CHST11: variants seen among roughly 807,000 people sequenced by gnomAD.
CHST11 encodes carbohydrate sulfotransferase 11.
In CHST11, 9 loss-of-function variants were observed where a neutral mutation model predicts 30.4. The ratio of observed to expected loss-of-function variants is 0.30; its 90% CI spans 0.18 to 0.52. CHST11 has a LOEUF of 0.52. Among genes scored for constraint, CHST11 ranks in the 20% least tolerant of loss-of-function variants. CHST11 has a pLI of 0.97. For synonymous variants in CHST11, 152 were observed against 187.8 expected (o/e 0.81, Z 1.56); for missense variants, 348 against 460.6 (o/e 0.76, Z 2.24).
At chr12:104,546,759 A>G (rs1454656969) in intron 1 of CHST11, among the ~76,000 whole-genome samples, 1 of 152,088 alleles carries the variant, frequency 6.6e-6, no homozygotes, top group East Asian at 1.9e-4. Context: ...ACTGGACAAA[A>G]CCAAAACAAA....
chr12:104,747,357 T>G (rs912445854), intron 2 of CHST11, among the ~76,000 whole-genome samples: 3 of 152,232 alleles, frequency 2.0e-5, no homozygotes, highest in African/African-American at 7.2e-5. Context: ...CCTGTTTCCT[T>G]ATCCACAAGT....
chr12:104,517,430 G>A (rs776324793), intron 1 of CHST11, among the ~76,000 whole-genome samples: 22 of 152,170 alleles, frequency 1.4e-4, no homozygotes, highest in Non-Finnish European at 2.4e-4. Context: ...GAGAACCAGG[G>A]GGTGGTGTAG....
chr12:104,708,656 C>T (rs1156732718), intron 2 of CHST11, among the ~76,000 whole-genome samples: 1 of 152,184 alleles, frequency 6.6e-6, no homozygotes, highest in African/African-American at 2.4e-5. Flanking sequence ...CTCACCATCT[C>T]TGGGGTCACA....
chr12:104,508,433 C>A lies in CHST11; in HGVS notation c.118+50904C>A, dbSNP rs1367293506. ...AGCACGTATCAGTGACTACAAAAAA[C>A]AAAAAGGAAATGCTCAATAGATGTT... On this transcript the variant is annotated intron_variant, in intron 1 of 2. Transcript: ENST00000303694. Among the ~76,000 whole-genome samples the A allele has an allele frequency of 2.0e-5, 3 of 152,150 alleles. No individual in the cohort carries two copies. The East Asian group carries it at 5.8e-4, about 29-fold the overall frequency.
intron 2 of CHST11, among the ~76,000 whole-genome samples, chr12:104,628,390 C>T (rs1344526060): frequency 1.3e-5 from 2 of 152,166 alleles, no homozygotes; most frequent in Non-Finnish European, 2.9e-5. Context: ...AGAAAAAGGG[C>T]AAAAGATTTC....
intron 2 of CHST11, among the ~76,000 whole-genome samples, chr12:104,628,162 A>G (rs1269187194): frequency 6.6e-6 from 1 of 152,130 alleles, no homozygotes. Context: ...GGAGTGATGT[A>G]TCTCAGGGCC....
chr12:104,603,560 C>T (rs990915531), intron 2 of CHST11, among the ~76,000 whole-genome samples: 2 of 152,222 alleles, frequency 1.3e-5, no homozygotes, highest in Admixed American at 6.5e-5. Context: ...TCATCTCTAA[C>T]TAGTTGTGCA....
intron 1 of CHST11, among the ~76,000 whole-genome samples, chr12:104,508,778 T>C (rs1025151028): frequency 1.3e-4 from 20 of 152,186 alleles, no homozygotes; most frequent in African/African-American, 4.8e-4. Flanking sequence ...TTATGTGGTG[T>C]GACAGTCTTT....
Position 104,457,317 on chromosome 12 carries a change from C to A in CHST11, c.-95C>A. 2 of 809,232 alleles carry A rather than the reference C, an allele frequency of 2.5e-6. No homozygotes were observed. Among genetic ancestry groups the A allele is most frequent in the Non-Finnish European group, 4.1e-6 (2 of 488,608 alleles). The allele number at this position is 809,232 out of a possible 1,614,324, so 50.1% of individuals were successfully genotyped here. ...CTGAGCCTTGCTCAGCTCTGCCCCGCGCCTCCCGGGCTCCGGTCCGCGCGG... is the reference window on the plus strand; with the variant it reads ...CTGAGCCTTGCTCAGCTCTGCCCCGAGCCTCCCGGGCTCCGGTCCGCGCGG... On this transcript the variant is annotated 5_prime_UTR_variant, in exon 1 of 3. Transcript: ENST00000303694.
At position 104,758,369 on chromosome 12, in the gene CHST11, A is replaced by G. The variant is rs1387120973; in HGVS notation, c.*566A>G. 2.0e-5 allele frequency: 3 copies of G among 152,192 alleles called. No homozygotes were observed. The highest frequency in any genetic ancestry group is 4.4e-5 in the Non-Finnish European group (3 of 68,046). The allele number at this position is 152,192 out of a possible 1,614,324, so 9.4% of individuals were successfully genotyped here. ...AGGGACTCATTCCAAACCAATTCCA[A>G]TCGACCTGAAAGTCCCTTGCACTAA... On this transcript the variant is annotated 3_prime_UTR_variant, in exon 3 of 3. Coordinates refer to ENST00000303694, the MANE Select transcript of CHST11 (RefSeq NM_018413.6).
At chr12:104,713,008 A>T (rs903663931) in intron 2 of CHST11, among the ~76,000 whole-genome samples, 2 of 152,112 alleles carry the variant, frequency 1.3e-5, no homozygotes, top group Non-Finnish European at 2.9e-5. Context: ...TAAATAAGAA[A>T]ATGCACTCAT....
intron 2 of CHST11, among the ~76,000 whole-genome samples, chr12:104,740,408 C>T (rs1301603640): frequency 6.6e-6 from 1 of 152,224 alleles, no homozygotes; most frequent in African/African-American, 2.4e-5. Context: ...GCCCTGGAAT[C>T]CATCCCTGCA....
At chr12:104,706,294 G>A (rs908086798) in intron 2 of CHST11, among the ~76,000 whole-genome samples, 9 of 151,950 alleles carry the variant, frequency 5.9e-5, no homozygotes, top group African/African-American at 2.2e-4. Flanking sequence ...TGAGGTAGGA[G>A]GATTACTTGA....
Position 104,570,050 on chromosome 12 carries a change from G to T in CHST11, c.119-31856G>T, listed in dbSNP as rs531006962. Among the ~76,000 whole-genome samples the T allele has an allele frequency of 2.0e-5, 3 of 152,188 alleles. No individual in the cohort carries two copies. The East Asian group carries it at 5.8e-4, about 29-fold the overall frequency. On this transcript the variant is annotated intron_variant, in intron 1 of 2. Coordinates refer to ENST00000303694, the MANE Select transcript of CHST11 (RefSeq NM_018413.6). ...CAACCTACAAAACCAACATATCCTG[G>T]GGTTTGATCTCTCTGGTGGTGTCAG...
At chr12:104,488,568 T>C (rs962018700) in intron 1 of CHST11, among the ~76,000 whole-genome samples, 3 of 133,522 alleles carry the variant, frequency 2.2e-5, no homozygotes, top group African/African-American at 5.0e-5. Flanking sequence ...TGTGTATGCG[T>C]GTGTATGTGT....
At chr12:104,479,795 A>T (rs1294838896) in intron 1 of CHST11, among the ~76,000 whole-genome samples, 2 of 152,184 alleles carry the variant, frequency 1.3e-5, no homozygotes, top group African/African-American at 4.8e-5. Context: ...ATGTGTTCCT[A>T]TGGCTTGAAG....
chr12:104,648,412 G>C (rs2694413), intron 2 of CHST11, among the ~76,000 whole-genome samples: 25,689 of 152,160 alleles, frequency 0.17, 2,307 homozygotes, highest in African/African-American at 0.2. Context: ...CATTTTCACA[G>C]ACCATCTCCT....
At chr12:104,607,648 C>T (rs1348502671) in intron 2 of CHST11, among the ~76,000 whole-genome samples, 1 of 152,100 alleles carries the variant, frequency 6.6e-6, no homozygotes, top group Admixed American at 6.5e-5. Flanking sequence ...AGCGAGGCCA[C>T]AGGGAGACAG....
intron 1 of CHST11, among the ~76,000 whole-genome samples, chr12:104,488,741 G>GCA (rs1491439090): frequency 3.6e-4 from 2 of 5,624 alleles, no homozygotes; most frequent in African/African-American, 4.3e-3. Context: ...ATGTGTACGC[G>GCA]TGTGTGTGTG....
Sources: allele counts gnomAD v4.1 joint callset (sites outside exome capture counted in the v4.1 genomes callset), GRCh38; gene constraint gnomAD v4.1.1; transcripts MANE v1.5; gene names NCBI Gene and HGNC (gene_info 2026-07-23, HGNC 2026-07-21).